ZNF704: variants seen among roughly 807,000 people sequenced by gnomAD.
ZNF704 encodes zinc finger protein 704.
In ZNF704, 10 loss-of-function variants were observed where a neutral mutation model predicts 44.7. The observed-to-expected ratio is 0.22, with a 90% confidence interval of 0.14 to 0.38. The LOEUF is 0.38. ZNF704 is among the 10% of genes least tolerant of loss of function. The probability of loss-of-function intolerance (pLI) is 1.00; values close to 1 mark genes in which losing one functional copy is unlikely to be tolerated. For missense variants in ZNF704, 390 were observed against 545.5 expected, an observed-to-expected ratio of 0.71 and a Z score of 2.84; for synonymous variants, 211 against 207.6, an observed-to-expected ratio of 1.02 and a Z score of -0.14.
intron 2 of ZNF704, among the ~76,000 whole-genome samples, chr8:80,718,625 TGA>T (rs1425624320): frequency 1.3e-5 from 2 of 152,144 alleles, no homozygotes; most frequent in African/African-American, 4.8e-5. Flanking sequence ...CCAAGGCAGA[TGA>T]GAGTCATGAG....
At chr8:80,671,974 C>T (rs1203003043) in intron 4 of ZNF704, among the ~76,000 whole-genome samples, 3 of 152,008 alleles carry the variant, frequency 2.0e-5, no homozygotes, top group Non-Finnish European at 2.9e-5. Flanking sequence ...GTGAAACCTA[C>T]GAATCCTTCT....
chr8:80,682,575 G>A (rs1818470504), intron 4 of ZNF704, among the ~76,000 whole-genome samples: 1 of 152,246 alleles, frequency 6.6e-6, no homozygotes, highest in Non-Finnish European at 1.5e-5. Flanking sequence ...ACCCAATTGA[G>A]CACAGGGTGG....
chr8:80,708,743 A>G (rs924932545), intron 2 of ZNF704, among the ~76,000 whole-genome samples: 3 of 152,150 alleles, frequency 2.0e-5, no homozygotes, highest in Non-Finnish European at 4.4e-5. Flanking sequence ...CATTCAATCT[A>G]TCTTCCAGTT....
intron 2 of ZNF704, among the ~76,000 whole-genome samples, chr8:80,703,726 C>T (rs74509458): frequency 1.3e-5 from 2 of 152,192 alleles, no homozygotes; most frequent in East Asian, 1.9e-4. Flanking sequence ...CCTCCTGCCT[C>T]AGCCTCCCAA....
chr8:80,654,659 T>C (rs916851991), intron 7 of ZNF704, among the ~76,000 whole-genome samples: 24 of 152,306 alleles, frequency 1.6e-4, no homozygotes, highest in African/African-American at 5.8e-4. Flanking sequence ...TCACATCAGT[T>C]AGAATGGTGA....
At chr8:80,658,404 A>T (rs919687785) in intron 7 of ZNF704, among the ~76,000 whole-genome samples, 2 of 151,576 alleles carry the variant, frequency 1.3e-5, no homozygotes, top group African/African-American at 4.8e-5. Flanking sequence ...AAAAGTCCCC[A>T]AACAGATTGT....
chr8:80,857,446 T>C lies in ZNF704; in HGVS notation c.-22+17125A>G, dbSNP rs574899645. On this transcript the variant is annotated intron_variant, in intron 1 of 8. Transcript: ENST00000327835. The stretch of plus-strand genomic sequence containing the variant: ...TGAATGAGTATTGAACTTTGTCAAA[T>C]GCTTGTTTATGCATCTATTGAGATA... 2.6e-5 allele frequency among the ~76,000 whole-genome samples: 4 copies of C among 152,300 alleles called. No individual in the cohort carries two copies. The South Asian group carries it at 8.3e-4, about 32-fold the overall frequency.
At chr8:80,797,912 A>T (rs1304525372) in intron 2 of ZNF704, among the ~76,000 whole-genome samples, 15 of 151,972 alleles carry the variant, frequency 9.9e-5, no homozygotes, top group Non-Finnish European at 4.4e-5. Context: ...TTCTTTCTTG[A>T]TTATAAATTC....
At chr8:80,793,351 G>A (rs1404658320) in intron 2 of ZNF704, among the ~76,000 whole-genome samples, 1 of 152,128 alleles carries the variant, frequency 6.6e-6, no homozygotes, top group Non-Finnish European at 1.5e-5. Flanking sequence ...AAGATGTTTA[G>A]TATATGATGG....
chr8:80,760,388 T>G (rs764099306), intron 2 of ZNF704, among the ~76,000 whole-genome samples: 1 of 152,108 alleles, frequency 6.6e-6, no homozygotes, highest in Non-Finnish European at 1.5e-5. Flanking sequence ...CCGGGCACGG[T>G]GGCTCACACC....
chr8:80,687,498 G>C (rs528834101), intron 3 of ZNF704, 40 bp from the exon 4 acceptor site: 1 of 1,432,950 alleles, frequency 7.0e-7, no homozygotes, highest in Non-Finnish European at 9.3e-7. Context: ...GGACCCCTGC[G>C]TGCCCGGGCA....
intron 2 of ZNF704, among the ~76,000 whole-genome samples, chr8:80,721,954 T>C (rs1819173121): frequency 6.6e-6 from 1 of 152,154 alleles, no homozygotes; most frequent in African/African-American, 2.4e-5. Flanking sequence ...AAGACTGCCT[T>C]GGCCAGGCGC....
chr8:80,754,337 C>A (rs1362226842), intron 2 of ZNF704, among the ~76,000 whole-genome samples: 1 of 152,156 alleles, frequency 6.6e-6, no homozygotes, highest in Non-Finnish European at 1.5e-5. Context: ...TCACCTCTAA[C>A]TAGTCCAACA....
At chr8:80,871,763 T>A (rs1294037762) in intron 1 of ZNF704, among the ~76,000 whole-genome samples, 3 of 152,096 alleles carry the variant, frequency 2.0e-5, no homozygotes, top group African/African-American at 7.3e-5. Flanking sequence ...TCTAGTGATA[T>A]TCCATTAGAA....
chr8:80,651,483 A>C (rs574376618), intron 7 of ZNF704, among the ~76,000 whole-genome samples: 2 of 152,354 alleles, frequency 1.3e-5, no homozygotes, highest in South Asian at 2.1e-4. Flanking sequence ...TCTACCAAGC[A>C]AATGGAAAAC....
intron 1 of ZNF704, among the ~76,000 whole-genome samples, chr8:80,827,545 T>C (rs1437699174): frequency 6.6e-6 from 1 of 152,164 alleles, no homozygotes; most frequent in Admixed American, 6.5e-5. Flanking sequence ...TACCAAGACT[T>C]TCTTCACAGA....
chr8:80,703,105 G>T (rs748207829), intron 2 of ZNF704, among the ~76,000 whole-genome samples: 2 of 152,062 alleles, frequency 1.3e-5, no homozygotes, highest in African/African-American at 4.8e-5. Flanking sequence ...GAAACACCTG[G>T]CCCTCTCTGC....
chr8:80,655,084 C>T (rs1262150305), intron 7 of ZNF704, among the ~76,000 whole-genome samples: 1 of 151,808 alleles, frequency 6.6e-6, no homozygotes, highest in Non-Finnish European at 1.5e-5. Context: ...AGCAAACTAT[C>T]GCAAAGACAA....
chr8:80,672,496 A>G (rs1247343868), intron 4 of ZNF704, among the ~76,000 whole-genome samples: 8 of 152,252 alleles, frequency 5.3e-5, no homozygotes, highest in African/African-American at 1.2e-4. Flanking sequence ...TATTCACAGT[A>G]GCAAAGACAT....
Sources: allele counts gnomAD v4.1 joint callset (sites outside exome capture counted in the v4.1 genomes callset), GRCh38; gene constraint gnomAD v4.1.1; transcripts MANE v1.5; gene names NCBI Gene and HGNC (gene_info 2026-07-23, HGNC 2026-07-21).